Variants in BPI observed in about 807,000 individuals in gnomAD.
BPI encodes bactericidal permeability increasing protein, also known as bactericidal permeability-increasing protein.
A neutral mutation model predicts 57.6 loss-of-function variants in BPI; 48 were observed. The ratio of observed to expected loss-of-function variants is 0.83; its 90% CI spans 0.66 to 1.06. The LOEUF (loss-of-function observed/expected upper bound fraction) is 1.06. BPI is among the 50% of genes least tolerant of loss of function. BPI has a pLI of 0.00. For missense variants in BPI, 651 were observed against 609.7 expected (o/e 1.07, Z -0.71); for synonymous variants, 237 against 238.2 (o/e 0.99, Z 0.05).
chr20:38,331,882 C>T (rs975469842), intron 12 of BPI, among the ~76,000 whole-genome samples: 5 of 150,324 alleles, frequency 3.3e-5, no homozygotes, highest in African/African-American at 1.2e-4. Flanking sequence ...TCGTTTCAGT[C>T]ACAATCAAAG....
intron 5 of BPI, among the ~76,000 whole-genome samples, chr20:38,313,716 T>A (rs2076633108): frequency 6.6e-6 from 1 of 151,934 alleles, no homozygotes. Flanking sequence ...ATGGTGGGGA[T>A]GATGGTGATG....
chr20:38,335,497 G>GCTGGTT (rs1187100156), intron 13 of BPI, 101 bp from the exon 14 acceptor site: 8 of 1,076,578 alleles, frequency 7.4e-6, no homozygotes, highest in Non-Finnish European at 1.0e-5. Flanking sequence ...GGCCAGGCAT[G>GCTGGTT]CTGGTTCAGG....
intron 5 of BPI, among the ~76,000 whole-genome samples, chr20:38,314,723 GATA>G (rs1437596714): frequency 7.5e-5 from 11 of 145,906 alleles, no homozygotes; most frequent in African/African-American, 2.9e-4. Context: ...TGGGGATGAT[GATA>G]ATGATGGTGA....
intron 5 of BPI, among the ~76,000 whole-genome samples, chr20:38,316,609 G>A (rs1402451582): frequency 6.6e-6 from 1 of 152,216 alleles, no homozygotes; most frequent in African/African-American, 2.4e-5. Flanking sequence ...AGGTCGGGAG[G>A]CAGGGAAGGG....
At chr20:38,321,971 T>C (rs750305012) in intron 7 of BPI, among the ~76,000 whole-genome samples, 1 of 152,200 alleles carries the variant, frequency 6.6e-6, no homozygotes, top group Non-Finnish European at 1.5e-5. Context: ...TGTACTCACA[T>C]ATAGACAACA....
intron 5 of BPI, among the ~76,000 whole-genome samples, chr20:38,315,431 T>C (rs2076647555): frequency 6.6e-6 from 1 of 152,108 alleles, no homozygotes; most frequent in South Asian, 2.1e-4. Context: ...AGAGCCTGCG[T>C]CAGTACAAAG....
intron 7 of BPI, among the ~76,000 whole-genome samples, chr20:38,321,289 G>A (rs2076684416): frequency 6.6e-6 from 1 of 151,728 alleles, no homozygotes; most frequent in Non-Finnish European, 1.5e-5. Flanking sequence ...ATTGGTGGGT[G>A]GATGGATGGA....
chr20:38,330,974 C>G lies in BPI; in HGVS notation c.1230-74C>G, dbSNP rs1285572712. 1.9e-6 allele frequency: 3 copies of G among 1,550,342 alleles called. No individual in the cohort carries two copies. The South Asian group carries it at 3.4e-5, about 17-fold the overall frequency. On this transcript the variant is annotated intron_variant, in intron 11 of 14. Coordinates refer to ENST00000642449, the MANE Select transcript of BPI (RefSeq NM_001725.3). ...AGACAGTATCCACCAGAGTGGGTCT[C>G]TCCTCTCTAGAGACTGGGTTCTCAT...
intron 12 of BPI, among the ~76,000 whole-genome samples, chr20:38,332,674 G>A (rs1042780485): frequency 3.3e-5 from 5 of 152,066 alleles, no homozygotes; most frequent in Admixed American, 6.5e-5. Flanking sequence ...GCAGAGCTAC[G>A]TACTGACATG....
At chr20:38,331,872 T>A (rs2076744451) in intron 12 of BPI, among the ~76,000 whole-genome samples, 1 of 146,698 alleles carries the variant, frequency 6.8e-6, no homozygotes, top group Non-Finnish European at 1.5e-5. Flanking sequence ...AGAGAGAAGA[T>A]CGTTTCAGTC....
intron 5 of BPI, among the ~76,000 whole-genome samples, chr20:38,315,409 C>T (rs1485339284): frequency 6.6e-6 from 1 of 152,150 alleles, no homozygotes; most frequent in African/African-American, 2.4e-5. Context: ...GGGCTGGTGT[C>T]TGAGGGAAGG....
intron 11 of BPI, among the ~76,000 whole-genome samples, chr20:38,328,418 C>A (rs2076724712): frequency 6.6e-6 from 1 of 151,988 alleles, no homozygotes. Flanking sequence ...TGGGCATGGT[C>A]AGGTGCCTGT....
chr20:38,324,703 T>G, intron 8 of BPI, 71 bp from the exon 9 acceptor site: 1 of 1,314,130 alleles, frequency 7.6e-7, no homozygotes, highest in African/African-American at 1.5e-5. Context: ...CTCACCCCGA[T>G]ACAGAACTCA....
Position 38,335,675 on chromosome 20 carries a change from G to A in BPI, c.1413+1G>A. The A allele has an allele frequency of 1.2e-6, 2 of 1,613,994 alleles. No individual in the cohort carries two copies. Among genetic ancestry groups the A allele is most frequent in the Non-Finnish European group, 1.7e-6 (2 of 1,179,858 alleles). On this transcript the variant is annotated splice_donor_variant, in intron 14 of 14. Coordinates refer to ENST00000642449, the MANE Select transcript of BPI (RefSeq NM_001725.3). LOFTEE classifies it high-confidence loss of function. Reference sequence around the variant, plus strand: ...CAACGTAGTGCTTCAGCCTCACCAGGTGAGTCCCGGAGTCTTTTCCACAAA... The same window carrying A: ...CAACGTAGTGCTTCAGCCTCACCAGATGAGTCCCGGAGTCTTTTCCACAAA...
Position 38,306,471 on chromosome 20 carries a change from G to T in BPI, c.131-1096G>T, listed in dbSNP as rs118131789. 5.4e-4 allele frequency among the ~76,000 whole-genome samples: 82 copies of T among 152,340 alleles called. No homozygotes were observed. The East Asian group carries it at 0.01, about 19-fold the overall frequency. On this transcript the variant is annotated intron_variant, in intron 1 of 14. Coordinates refer to ENST00000642449, the MANE Select transcript of BPI (RefSeq NM_001725.3). ...GGGGAGAGACATTCGTCAGAGTCAC[G>T]TGAATAAATGCATAATTACAAATGG...
intron 14 of BPI, among the ~76,000 whole-genome samples, chr20:38,336,826 T>C (rs946662659): frequency 6.6e-6 from 1 of 152,216 alleles, no homozygotes; most frequent in African/African-American, 2.4e-5. Flanking sequence ...GAAGTGGTTT[T>C]GCAGCCTTGA....
chr20:38,316,725 A>G (rs2076653974), intron 5 of BPI, among the ~76,000 whole-genome samples: 1 of 152,300 alleles, frequency 6.6e-6, no homozygotes, highest in Admixed American at 6.5e-5. Context: ...AGAAGCGGGA[A>G]GAAGGCTGGG....
intron 5 of BPI, among the ~76,000 whole-genome samples, chr20:38,315,425 C>G (rs943273487): frequency 6.6e-6 from 1 of 152,128 alleles, no homozygotes; most frequent in Non-Finnish European, 1.5e-5. Flanking sequence ...GAAGGAAGAG[C>G]CTGCGTCAGT....
chr20:38,320,506 T>G (rs951508104), intron 7 of BPI, among the ~76,000 whole-genome samples: 2 of 151,822 alleles, frequency 1.3e-5, no homozygotes, highest in African/African-American at 2.4e-5. Context: ...CCTTGCTTTT[T>G]CCTCCGCCTG....
Sources: gnomAD v4.1 joint callset for allele counts (sites outside exome capture counted in the v4.1 genomes callset) on GRCh38, gnomAD v4.1.1 for gene constraint, MANE v1.5 for transcripts, NCBI Gene and HGNC (gene_info 2026-07-23, HGNC 2026-07-21) for gene names.